ELMO1: variants seen among roughly 807,000 people sequenced by gnomAD.
The protein encoded by ELMO1 is engulfment and cell motility protein 1.
Under a neutral mutation model 98.9 loss-of-function variants are expected in ELMO1, and 26 were observed. The observed-to-expected ratio is 0.26, with a 90% CI of 0.19 to 0.36. The LOEUF (loss-of-function observed/expected upper bound fraction) is 0.36. ELMO1 is among the 10% of genes least tolerant of loss of function. The pLI is 1.00. For synonymous variants in ELMO1, 346 were observed against 346.0 expected (o/e 1.00, Z 0.00); for missense variants, 627 against 935.2 (o/e 0.67, Z 4.30).
At chr7:36,926,943 C>A in intron 16 of ELMO1, among the ~76,000 whole-genome samples, 1 of 152,010 alleles carries the variant, frequency 6.6e-6, no homozygotes, top group East Asian at 1.9e-4. Context: ...TTAAAGCAAA[C>A]AATAATTAGC....
intron 16 of ELMO1, among the ~76,000 whole-genome samples, chr7:37,002,383 T>C (rs993045828): frequency 2.0e-5 from 3 of 152,242 alleles, no homozygotes; most frequent in African/African-American, 7.2e-5. Context: ...AGTATGCTAC[T>C]ACCACGAAGC....
chr7:36,902,684 G>A (rs925167818), intron 16 of ELMO1, among the ~76,000 whole-genome samples: 1 of 152,160 alleles, frequency 6.6e-6, no homozygotes, highest in African/African-American at 2.4e-5. Flanking sequence ...GTGACCATCC[G>A]TAACTCTGAG....
chr7:37,082,786 TGA>T lies in ELMO1; in HGVS notation c.1300+13831_1300+13832del, dbSNP rs149304052. The stretch of plus-strand genomic sequence containing the variant: ...TTTGCTTAATTCTCTGTCCAAAAGC[TGA>T]GAGTCGTCACACCTGCATGGGAGAG... On this transcript the variant is annotated intron_variant, in intron 15 of 21. Transcript: ENST00000310758. Among the ~76,000 whole-genome samples, 1,357 of 152,280 alleles carry T rather than the reference TGA, an allele frequency of 8.9e-3. 6 individuals are homozygous for T. Among genetic ancestry groups the T allele is most frequent in the Middle Eastern group, 0.014 (4 of 294 alleles).
At chr7:37,205,444 A>G (rs1050566934) in intron 13 of ELMO1, among the ~76,000 whole-genome samples, 1 of 152,224 alleles carries the variant, frequency 6.6e-6, no homozygotes, top group Non-Finnish European at 1.5e-5. Context: ...ACAGTGCTGT[A>G]ACTACTGCCA....
At chr7:37,159,306 A>G (rs1428004458) in intron 13 of ELMO1, among the ~76,000 whole-genome samples, 2 of 152,240 alleles carry the variant, frequency 1.3e-5, no homozygotes, top group African/African-American at 4.8e-5. Context: ...TATAATAATA[A>G]AAGAATAGGC....
chr7:37,347,266 A>G (rs892940252), intron 1 of ELMO1, among the ~76,000 whole-genome samples: 2 of 152,212 alleles, frequency 1.3e-5, no homozygotes, highest in Non-Finnish European at 2.9e-5. Context: ...TTAGGGAAGA[A>G]AGGTTCTAGC....
At chr7:37,271,772 C>T in intron 5 of ELMO1, 60 bp downstream of exon 5, 6 of 1,557,372 alleles carry the variant, frequency 3.9e-6, no homozygotes, top group Non-Finnish European at 5.3e-6. Context: ...CCCACAATCA[C>T]ATATAGCAGA....
intron 16 of ELMO1, among the ~76,000 whole-genome samples, chr7:36,966,264 C>G (rs1789419952): frequency 1.3e-5 from 2 of 152,276 alleles, no homozygotes; most frequent in Middle Eastern, 3.4e-3. Context: ...TTTATATGAC[C>G]TAACTGTATA....
At chr7:37,287,373 C>G (rs573108472) in intron 4 of ELMO1, among the ~76,000 whole-genome samples, 1 of 152,210 alleles carries the variant, frequency 6.6e-6, no homozygotes, top group South Asian at 2.1e-4. Flanking sequence ...GTTTTATGTA[C>G]AAAAACAGGT....
intron 16 of ELMO1, chr7:36,919,463 G>A (rs1246986967): frequency 2.0e-6 from 1 of 503,764 alleles, no homozygotes; most frequent in Non-Finnish European, 4.2e-6. Flanking sequence ...GGGCTTTGGG[G>A]TCACAGAACT....
In ELMO1 at chr7:37,342,851, T is replaced by C; in HGVS notation, c.-73-88A>G. On this transcript the variant is annotated intron_variant, in intron 1 of 21. Transcript: ENST00000310758. The surrounding 1 kb of genome is among the most constrained non-coding windows in gnomAD (Gnocchi z 4.3). ...CTTCATCACTTCCTGTTTTCACTGG[T>C]GGTTTGGTATGAAAAACGGCTCCCC... 1 of 636,406 alleles carries C rather than the reference T, an allele frequency of 1.6e-6. No individual in the cohort carries two copies. The highest frequency in any genetic ancestry group is 3.5e-5 in the Admixed American group (1 of 28,532). The allele number at this position is 636,406 out of a possible 1,614,324, so 39.4% of individuals were successfully genotyped here.
At chr7:36,887,749 G>T in intron 17 of ELMO1, 77 bp from the exon 18 acceptor site, 2 of 1,283,214 alleles carry the variant, frequency 1.6e-6, no homozygotes, top group African/African-American at 1.5e-5. Context: ...ATGGGCATAC[G>T]GGCAGGGGAG....
intron 1 of ELMO1, among the ~76,000 whole-genome samples, chr7:37,369,171 T>C (rs78369415): frequency 0.08 from 12,249 of 152,232 alleles, 610 homozygotes; most frequent in Middle Eastern, 0.12. Flanking sequence ...TTCACTCATA[T>C]GGAAGCTTGA....
At chr7:37,010,774 T>C (rs1016047682) in intron 16 of ELMO1, among the ~76,000 whole-genome samples, 3 of 152,220 alleles carry the variant, frequency 2.0e-5, no homozygotes, top group East Asian at 3.8e-4. Flanking sequence ...TAATTTGTTG[T>C]ATCAGCAACA....
chr7:37,326,426 G>A (rs1053730179), intron 2 of ELMO1, among the ~76,000 whole-genome samples: 1 of 151,880 alleles, frequency 6.6e-6, no homozygotes, highest in Non-Finnish European at 1.5e-5. Flanking sequence ...GTGGTGGGGT[G>A]CGCCTGTAAT....
intron 14 of ELMO1, among the ~76,000 whole-genome samples, chr7:37,128,084 T>C (rs1786656785): frequency 6.6e-6 from 1 of 152,094 alleles, no homozygotes; most frequent in South Asian, 2.1e-4. Context: ...CCCCAGCTAC[T>C]TGGGAGGCTG....
intron 21 of ELMO1, among the ~76,000 whole-genome samples, chr7:36,856,170 G>A (rs1351013653): frequency 1.3e-5 from 2 of 152,358 alleles, no homozygotes; most frequent in Admixed American, 1.3e-4. Flanking sequence ...ATCAGGTGAA[G>A]CAGGTTTCTT....
intron 20 of ELMO1, among the ~76,000 whole-genome samples, chr7:36,868,677 C>T (rs1469562093): frequency 6.6e-6 from 1 of 152,182 alleles, no homozygotes; most frequent in Non-Finnish European, 1.5e-5. Context: ...GATGGGAGCA[C>T]AACTCTCAAG....
intron 8 of ELMO1, 97 bp downstream of exon 8, chr7:37,232,998 C>A: frequency 2.7e-6 from 3 of 1,093,716 alleles, no homozygotes; most frequent in East Asian, 2.6e-5. Flanking sequence ...ATATAAAGAA[C>A]TAAAGGAAAG....
Sources: allele counts gnomAD v4.1 joint callset (sites outside exome capture counted in the v4.1 genomes callset), GRCh38; gene constraint gnomAD v4.1.1; non-coding constraint Gnocchi (gnomAD v3.1); transcripts MANE v1.5; gene names NCBI Gene and HGNC (gene_info 2026-07-23, HGNC 2026-07-21).